Variants in SH3BP4 observed in about 807,000 individuals in gnomAD.
SH3BP4 encodes SH3 domain binding protein 4.
A neutral mutation model predicts 65.5 loss-of-function variants in SH3BP4; 33 were observed. That is an observed-to-expected ratio of 0.50 (90% confidence interval 0.38 to 0.67). The LOEUF is 0.67. Among genes scored for constraint, SH3BP4 ranks in the 30% least tolerant of loss-of-function variants. SH3BP4 has a pLI of 0.00. For missense variants in SH3BP4, 1,134 were observed against 1,261.4 expected (o/e 0.90, Z 1.53); for synonymous variants, 552 against 545.5 (o/e 1.01, Z -0.17).
intron 2 of SH3BP4, among the ~76,000 whole-genome samples, chr2:235,020,339 AT>A (rs1402229422): frequency 2.0e-5 from 3 of 152,176 alleles, no homozygotes; most frequent in Non-Finnish European, 4.4e-5. Context: ...CTGCCAAAAA[AT>A]ACAAAAATTA....
rs755065584 is a variant in SH3BP4, at chr2:235,041,285, T to G, written c.516T>G (p.Asn172Lys). 3 of 1,614,088 alleles carry G rather than the reference T, an allele frequency of 1.9e-6. No homozygotes were observed. The African/African-American group carries it at 4.0e-5, about 22-fold the overall frequency. ...GGGTCCAGACCAATCCATTTCTGAA[T>G]GGGAACGTGCCCGTCATGCCCAGCC... ...WNGVQTNPFLNGNVPVMPSLD... is the reference protein window; with the variant it reads ...WNGVQTNPFLKGNVPVMPSLD... The change falls in exon 4 of 6, where the codon AAT (asparagine) becomes AAG (lysine). Residue 172 changes from asparagine to lysine, a missense_variant. By Grantham distance (94) the Asn-to-Lys change is moderately conservative. Transcript: ENST00000392011. The surrounding 1 kb of genome is among the most constrained non-coding windows in gnomAD (Gnocchi z 6.0).
At position 235,052,465 on chromosome 2, in the gene SH3BP4, C is replaced by T. The variant is rs943158863; in HGVS notation, c.2479-97C>T. The stretch of plus-strand genomic sequence containing the variant: ...CCAGGGAACATGGAGAATAGAGAGC[C>T]CATGGCCATTCCTGCGCCGTCTGCT... On this transcript the variant is annotated intron_variant, in intron 4 of 5. Transcript: ENST00000392011. The surrounding 1 kb of genome is among the most constrained non-coding windows in gnomAD (Gnocchi z 5.0). 4 of 904,528 alleles carry T rather than the reference C, an allele frequency of 4.4e-6. No homozygotes were observed. Among genetic ancestry groups the T allele is most frequent in the Non-Finnish European group, 6.5e-6 (4 of 615,060 alleles). The allele number at this position is 904,528 out of a possible 1,614,324, so 56.0% of individuals were successfully genotyped here. A position where few individuals can be genotyped will look rare whatever the true frequency, so the allele number is the denominator to read the frequency against.
intron 1 of SH3BP4, among the ~76,000 whole-genome samples, chr2:234,981,883 T>C (rs569472002): frequency 7.2e-5 from 11 of 152,280 alleles, no homozygotes; most frequent in African/African-American, 2.6e-4. Context: ...AACAGCTCTT[T>C]AGTGGGAAGC....
chr2:235,053,529 G>C (rs114792935), intron 5 of SH3BP4, 63 bp from the exon 6 acceptor site: 1 of 1,295,786 alleles, frequency 7.7e-7, no homozygotes, highest in Non-Finnish European at 1.1e-6. Flanking sequence ...AACAAATCTC[G>C]TTCTGTCTCC....
intron 2 of SH3BP4, among the ~76,000 whole-genome samples, chr2:235,016,869 C>G (rs1352713645): frequency 6.6e-6 from 1 of 152,144 alleles, no homozygotes; most frequent in Non-Finnish European, 1.5e-5. Flanking sequence ...TCCATCCCTT[C>G]CGAGCTAATG....
chr2:235,041,835 A>C lies in SH3BP4; in HGVS notation c.1066A>C (p.Met356Leu). ...VAPGETQQIS[M>L]KALLDPPLEL... is the part of the protein sequence containing the mutation. ...CCCTGGGGAGACCCAGCAGATCTCC[A>C]TGAAAGCCCTGCTGGACCCCCCGCT... Residue 356 changes from methionine to leucine, a missense_variant, in exon 4 of 6, where the codon ATG becomes CTG. By Grantham distance (15) the Met-to-Leu change is conservative (BLOSUM62 2). Transcript: ENST00000392011. The surrounding 1 kb of genome is among the most constrained non-coding windows in gnomAD (Gnocchi z 6.0). The C allele has an allele frequency of 2.5e-6, 4 of 1,602,356 alleles. No individual in the cohort carries two copies. The highest frequency in any genetic ancestry group is 3.4e-6 in the Non-Finnish European group (4 of 1,173,234).
At chr2:235,011,754 A>G (rs536696974) in intron 2 of SH3BP4, among the ~76,000 whole-genome samples, 1 of 152,252 alleles carries the variant, frequency 6.6e-6, no homozygotes, top group Non-Finnish European at 1.5e-5. Flanking sequence ...TTGTCAGAAC[A>G]TATGCCTGTA....
chr2:235,008,299 C>G (rs539507544), intron 2 of SH3BP4, among the ~76,000 whole-genome samples: 3 of 152,238 alleles, frequency 2.0e-5, no homozygotes, highest in Admixed American at 2.0e-4. Context: ...GGAGGGAGGC[C>G]CTTTGATGCA....
chr2:234,973,572 A>AC (rs1693062701), intron 1 of SH3BP4, among the ~76,000 whole-genome samples: 1 of 151,480 alleles, frequency 6.6e-6, no homozygotes, highest in Non-Finnish European at 1.5e-5. Flanking sequence ...TGCAATACGT[A>AC]CCCCCCTGAA....
At chr2:234,970,546 T>C (rs1023148294) in intron 1 of SH3BP4, among the ~76,000 whole-genome samples, 1 of 152,260 alleles carries the variant, frequency 6.6e-6, no homozygotes, top group Non-Finnish European at 1.5e-5. Flanking sequence ...CGGGTGTGCA[T>C]AACTCTTTTT....
intron 1 of SH3BP4, among the ~76,000 whole-genome samples, chr2:234,971,745 A>G (rs1256782314): frequency 7.2e-5 from 11 of 152,132 alleles, no homozygotes; most frequent in African/African-American, 2.7e-4. Flanking sequence ...ATGACTCATG[A>G]TGTTGGCCAG....
chr2:235,038,377 ATAT>A (rs1303572733), intron 3 of SH3BP4, among the ~76,000 whole-genome samples: 4 of 15,752 alleles, frequency 2.5e-4, no homozygotes, highest in Non-Finnish European at 4.6e-4. Context: ...ATATATATAC[ATAT>A]ATATATATAT....
At chr2:235,024,429 A>G (rs889129789) in intron 2 of SH3BP4, among the ~76,000 whole-genome samples, 5 of 152,104 alleles carry the variant, frequency 3.3e-5, no homozygotes, top group African/African-American at 9.7e-5. Context: ...TGGCATCCTC[A>G]TGGCTGCTTT....
rs757029542 is a variant in SH3BP4, at chr2:235,043,169, C to T, written c.2400C>T (p.Ser800=). Residue 800 remains serine (S), a synonymous_variant, in exon 4 of 6, where the codon TCC becomes TCT. Transcript: ENST00000392011. The stretch of plus-strand genomic sequence containing the variant: ...ATAGTGAGCCCGAGCGGGTGGCGTC[C>T]GTCCTAGAAAAGCTGAAGGAGGACT... ...ELDSEPERVA[S]VLEKLKEDCN... is the part of the protein sequence containing the mutation. 1.8e-5 allele frequency: 29 copies of T among 1,611,668 alleles called. No homozygotes were observed. The highest frequency in any genetic ancestry group is 1.3e-4 in the East Asian group (6 of 44,842).
At chr2:234,953,688 C>T (rs763690865) in intron 1 of SH3BP4, among the ~76,000 whole-genome samples, 6 of 152,126 alleles carry the variant, frequency 3.9e-5, no homozygotes, top group African/African-American at 1.4e-4. Context: ...TACTTTAAGG[C>T]GCTGGGGAAC....
At chr2:235,043,442 G>A (rs1695746381) in intron 4 of SH3BP4, among the ~76,000 whole-genome samples, 195 bp downstream of exon 4, 1 of 27,362 alleles carries the variant, frequency 3.7e-5, no homozygotes, top group African/African-American at 1.6e-4. Flanking sequence ...CGTGGGCCGT[G>A]GTGTTGTAAG....
At position 235,050,775 on chromosome 2, in the gene SH3BP4, G is replaced by A. The variant is rs578254291; in HGVS notation, c.2479-1787G>A. 2.0e-4 allele frequency among the ~76,000 whole-genome samples: 30 copies of A among 152,242 alleles called. No homozygotes were observed. The East Asian group carries it at 5.6e-3, about 28-fold the overall frequency. On this transcript the variant is annotated intron_variant, in intron 4 of 5. Transcript: ENST00000392011. The stretch of plus-strand genomic sequence containing the variant: ...CAGCCGACCGCATGAGCACTAGCAA[G>A]ACGACCCTGCTATCGGCACAAAATA...
intron 2 of SH3BP4, among the ~76,000 whole-genome samples, chr2:235,022,279 T>C (rs558143020): frequency 2.0e-5 from 3 of 152,186 alleles, no homozygotes; most frequent in Non-Finnish European, 2.9e-5. Context: ...CTTGGCCGGG[T>C]GTGGTGGCTC....
intron 1 of SH3BP4, among the ~76,000 whole-genome samples, chr2:234,994,327 A>G (rs916565837): frequency 5.9e-5 from 9 of 152,154 alleles, no homozygotes; most frequent in African/African-American, 2.2e-4. Flanking sequence ...ATTTACATGG[A>G]TGGAGGTCTG....
Sources: allele counts gnomAD v4.1 joint callset (sites outside exome capture counted in the v4.1 genomes callset), GRCh38; gene constraint gnomAD v4.1.1; non-coding constraint Gnocchi (gnomAD v3.1); transcripts MANE v1.5; gene names NCBI Gene and HGNC (gene_info 2026-07-23, HGNC 2026-07-21).